The following NBPF15 variants were observed in gnomAD, a reference collection of about 807,000 sequenced individuals.
The protein encoded by NBPF15 is NBPF member 15.
Under a neutral mutation model 62.2 loss-of-function variants are expected in NBPF15, and 74 were observed. That is an observed-to-expected ratio of 1.19 (90% CI 0.99 to 1.44). The LOEUF is 1.44. Ranked by LOEUF, NBPF15 falls within the 40% of genes most tolerant of loss-of-function variation. The pLI is 0.00. For missense variants in NBPF15, 790 were observed against 550.0 expected (o/e 1.44, Z -4.36); for synonymous variants, 244 against 209.7 (o/e 1.16, Z -1.41).
intron 18 of NBPF15, 81 bp downstream of exon 18, chr1:144,426,197 T>C: frequency 1.6e-6 from 1 of 615,324 alleles, no homozygotes; most frequent in Non-Finnish European, 2.8e-6. Flanking sequence ...CTCGGGTCAG[T>C]AAGGGCCACT....
At chr1:144,441,398 T>C (rs1272075211) in intron 6 of NBPF15, among the ~76,000 whole-genome samples, 3 of 151,806 alleles carry the variant, frequency 2.0e-5, no homozygotes. Context: ...GGTTTTCTCA[T>C]GCCTAATGTT....
At chr1:144,432,724 A>G (rs1226965141) in intron 13 of NBPF15, among the ~76,000 whole-genome samples, 1 of 152,080 alleles carries the variant, frequency 6.6e-6, no homozygotes, top group Admixed American at 6.6e-5. Context: ...GCCACTACAT[A>G]ATGGTAAAGG....
intron 12 of NBPF15, among the ~76,000 whole-genome samples, chr1:144,434,873 C>T (rs1283818907): frequency 6.6e-6 from 1 of 151,996 alleles, no homozygotes; most frequent in Non-Finnish European, 1.5e-5. Flanking sequence ...CTGTGCACCT[C>T]CTGCACTCAG....
At chr1:144,460,496 TA>T (rs1651919894) in intron 2 of NBPF15, among the ~76,000 whole-genome samples, 1 of 146,936 alleles carries the variant, frequency 6.8e-6, no homozygotes, top group Non-Finnish European at 1.5e-5. Context: ...TAATAAAATT[TA>T]AAAACAAAAA....
intron 8 of NBPF15, among the ~76,000 whole-genome samples, chr1:144,438,983 CATTATT>C (rs1180846025): frequency 1.3e-5 from 2 of 151,410 alleles, no homozygotes; most frequent in African/African-American, 4.9e-5. Context: ...TTTTATTTAT[CATTATT>C]ATTATTATTT....
chr1:144,458,479 TA>T (rs1649865757), intron 3 of NBPF15, among the ~76,000 whole-genome samples: 1 of 150,710 alleles, frequency 6.6e-6, no homozygotes, highest in Admixed American at 6.6e-5. Context: ...CAATCATTTA[TA>T]AATTATCACC....
intron 6 of NBPF15, among the ~76,000 whole-genome samples, chr1:144,444,405 A>G (rs1322953096): frequency 6.6e-6 from 1 of 151,814 alleles, no homozygotes; most frequent in African/African-American, 2.4e-5. Flanking sequence ...GGAGCCATTT[A>G]GTATTAAATA....
chr1:144,424,499 T>A (rs1214401336), intron 20 of NBPF15, among the ~76,000 whole-genome samples, 191 bp downstream of exon 20: 1 of 151,578 alleles, frequency 6.6e-6, no homozygotes, highest in African/African-American at 2.4e-5. Context: ...AGGAAGAGAG[T>A]CTTGCTCACT....
rs782035523 is a variant in NBPF15, at chr1:144,423,129, A to G, written c.1897T>C (p.Tyr633His). Reference protein sequence around the residue: ...DSFQHYRSVFYSFEEEHISFA... With the variant: ...DSFQHYRSVFHSFEEEHISFA... Reference sequence around the variant, plus strand: ...CTGATATGCTCTTCCTCAAATGAGTAAAACACACTTCTGTAGTGCTGGAAT... The same window carrying G: ...CTGATATGCTCTTCCTCAAATGAGTGAAACACACTTCTGTAGTGCTGGAAT... The change falls in exon 22 of 22, where the codon TAC (tyrosine) becomes CAC (histidine). Residue 633 changes from tyrosine (Y) to histidine (H), a missense_variant. Coordinates refer to ENST00000581897, the MANE Select transcript of NBPF15 (RefSeq NM_001385408.1). The G allele has an allele frequency of 5.6e-6, 9 of 1,611,650 alleles. No homozygotes were observed. The highest frequency in any genetic ancestry group is 5.1e-6 in the Non-Finnish European group (6 of 1,179,612).
At chr1:144,447,936 C>T (rs1466398894) in intron 6 of NBPF15, among the ~76,000 whole-genome samples, 1 of 151,990 alleles carries the variant, frequency 6.6e-6, no homozygotes, top group African/African-American at 2.4e-5. Flanking sequence ...CACAGAGAAC[C>T]ACAGACCGCA....
chr1:144,456,295 A>C (rs1245807586), intron 4 of NBPF15, among the ~76,000 whole-genome samples: 4 of 151,938 alleles, frequency 2.6e-5, no homozygotes, highest in Non-Finnish European at 5.9e-5. Context: ...AAAGTCCTGG[A>C]GAGAACACTC....
Position 144,427,088 on chromosome 1 carries a change from CT to C in NBPF15, c.1223del (p.Lys408SerfsTer49). Reference sequence around the variant, plus strand: ...CTTGGTCTTCTTCCACTTCTTGGTACTTTTCAATTTCTGCAATAAGTTCAGA... The same window carrying C: ...CTTGGTCTTCTTCCACTTCTTGGTACTTTCAATTTCTGCAATAAGTTCAGA... ...GLAIDMDEIEKYQEVEEDQDP... is the reference protein window; with the variant it reads ...GLAIDMDEIEXYQEVEEDQDP... On this transcript the variant is annotated frameshift_variant, in exon 17 of 22. Transcript: ENST00000581897. LOFTEE classifies it high-confidence loss of function. The C allele has an allele frequency of 1.7e-6, 1 of 579,278 alleles. No homozygotes were observed. The allele number at this position is 579,278 out of a possible 1,614,324, so 35.9% of individuals were successfully genotyped here.
chr1:144,442,640 A>G (rs1307730420), intron 6 of NBPF15: 1 of 154,116 alleles, frequency 6.5e-6, no homozygotes, highest in East Asian at 1.9e-4. Context: ...ACCTGTTAGG[A>G]CACGGCCATT....
intron 4 of NBPF15, among the ~76,000 whole-genome samples, chr1:144,453,180 G>A: frequency 6.7e-6 from 1 of 149,118 alleles, no homozygotes; most frequent in East Asian, 2.0e-4. Flanking sequence ...CCCAGAAGCA[G>A]GCCTACATAC....
intron 6 of NBPF15, chr1:144,442,612 A>G (rs1684375980): frequency 6.5e-6 from 1 of 153,254 alleles, no homozygotes. Context: ...CTCCATCTAC[A>G]GCCTCGTGGC....
In NBPF15 at chr1:144,422,940, C is replaced by G. The variant is rs76075673; in HGVS notation, c.*73G>C. ...GTCTGGGCTTCCAAATGGAACTGTA[C>G]TTTCATTCAAATCTTCTCGTGCCTA... On this transcript the variant is annotated 3_prime_UTR_variant, in exon 22 of 22. Coordinates refer to ENST00000581897, the MANE Select transcript of NBPF15 (RefSeq NM_001385408.1). The G allele has an allele frequency of 7.4e-6, 12 of 1,611,352 alleles. No homozygotes were observed. Among genetic ancestry groups the G allele is most frequent in the African/African-American group, 1.3e-5 (1 of 74,780 alleles).
At chr1:144,441,880 A>G (rs1289824773) in intron 6 of NBPF15, among the ~76,000 whole-genome samples, 7 of 149,222 alleles carry the variant, frequency 4.7e-5, no homozygotes, top group Non-Finnish European at 1.0e-4. Flanking sequence ...TCCCCAATGA[A>G]GGGCATTGGT....
chr1:144,424,240 A>G (rs1466552703), intron 20 of NBPF15, among the ~76,000 whole-genome samples: 2 of 151,768 alleles, frequency 1.3e-5, no homozygotes, highest in African/African-American at 2.4e-5. Flanking sequence ...CAGTTATGCC[A>G]TATTTTTCCA....
intron 4 of NBPF15, among the ~76,000 whole-genome samples, chr1:144,452,354 C>T (rs587693684): frequency 6.6e-6 from 1 of 151,954 alleles, no homozygotes; most frequent in East Asian, 1.9e-4. Flanking sequence ...TATTATGTTC[C>T]CCCAAAAACC....
Sources: gnomAD v4.1 joint callset for allele counts (sites outside exome capture counted in the v4.1 genomes callset) on GRCh38, gnomAD v4.1.1 for gene constraint, MANE v1.5 for transcripts, NCBI Gene and HGNC (gene_info 2026-07-23, HGNC 2026-07-21) for gene names.